Variants in IRF3 observed in about 807,000 individuals in gnomAD.
IRF3 encodes the protein interferon regulatory factor 3.
Under a neutral mutation model 43.2 loss-of-function variants are expected in IRF3, and 29 were observed. That is an observed-to-expected ratio of 0.67 (90% CI 0.50 to 0.91). The LOEUF (loss-of-function observed/expected upper bound fraction) is 0.91. IRF3 is among the 40% of genes least tolerant of loss of function. The pLI, the probability that IRF3 is intolerant of heterozygous loss-of-function variation, is 0.00. For synonymous variants in IRF3, 228 were observed against 233.9 expected (o/e 0.97, Z 0.23); for missense variants, 505 against 559.1 (o/e 0.90, Z 0.98).
intron 4 of IRF3, 134 bp from the exon 5 acceptor site, chr19:49,662,751 G>A: frequency 1.4e-6 from 1 of 718,846 alleles, no homozygotes; most frequent in Non-Finnish European, 2.3e-6. Context: ...CCAGCCTGGG[G>A]ACAGAGCCAG....
chr19:49,663,976 A>ATGAGCTAC (rs1289794288), intron 2 of IRF3: 1 of 222,404 alleles, frequency 4.5e-6, no homozygotes, highest in Non-Finnish European at 9.2e-6. Context: ...GATTACAGGC[A>ATGAGCTAC]TGAGCTACTG....
At position 49,663,286 on chromosome 19, in the gene IRF3, G is replaced by A. The variant is rs2122658769; in HGVS notation, c.338-28C>T. On this transcript the variant is annotated intron_variant, in intron 3 of 7. Coordinates refer to ENST00000377139, the MANE Select transcript of IRF3 (RefSeq NM_001571.6). ...GTTGAGAAAAGTGGTGAGGGGAGTA[G>A]GAGTGCCAGGAACCCTTGGGGCCCC... 3 of 1,614,016 alleles carry A rather than the reference G, an allele frequency of 1.9e-6. No individual in the cohort carries two copies. The Middle Eastern group carries it at 4.9e-4, about 266-fold the overall frequency.
intron 1 of IRF3, 60 bp downstream of exon 1, chr19:49,665,571 C>G (rs778329000): frequency 3.6e-5 from 18 of 507,038 alleles, no homozygotes; most frequent in Non-Finnish European, 5.4e-5. Flanking sequence ...CAGACCCATC[C>G]TCTTTCCCGC....
chr19:49,664,532 T>G, intron 2 of IRF3, 142 bp downstream of exon 2: 78 of 1,110,290 alleles, frequency 7.0e-5, no homozygotes, highest in East Asian at 2.2e-4. Context: ...GCCCCGCCCC[T>G]CCCGTTCTAG....
At chr19:49,664,910 T>C in intron 1 of IRF3, 64 bp from the exon 2 acceptor site, 1 of 1,516,988 alleles carries the variant, frequency 6.6e-7, no homozygotes, top group Non-Finnish European at 8.8e-7. Context: ...GCCTGGAGTT[T>C]CCGCACCCAG....
At position 49,663,440 on chromosome 19, in the gene IRF3, G is replaced by A. The variant is rs1424785603; in HGVS notation, c.240C>T (p.Phe80=). The A allele has an allele frequency of 6.2e-7, 1 of 1,614,072 alleles. No homozygotes were observed. Among genetic ancestry groups the A allele is most frequent in the Non-Finnish European group, 8.5e-7 (1 of 1,180,054 alleles). Residue 80 remains phenylalanine, a synonymous_variant, in exon 3 of 8, where the codon TTC becomes TTT. Transcript: ENST00000377139. The part of the protein sequence containing the change: ...KPDLPTWKRN[F]RSALNRKEGL... Reference sequence around the variant, plus strand: ...CTTCTTTGCGGTTGAGGGCAGAGCGGAAATTCCTCTTCCAGGTTGGCAGGT... The same window carrying A: ...CTTCTTTGCGGTTGAGGGCAGAGCGAAAATTCCTCTTCCAGGTTGGCAGGT...
Position 49,660,811 on chromosome 19 carries a change from C to T in IRF3, c.1000G>A (p.Glu334Lys). The T allele has an allele frequency of 1.2e-6, 2 of 1,603,534 alleles. No homozygotes were observed. The highest frequency in any genetic ancestry group is 1.3e-5 in the African/African-American group (1 of 74,962). The part of the protein sequence containing the change: ...PFIVDLITFT[E>K]GSGRSPRYAL... ...TAGCGTGGTGAGCGTCCGCTTCCTTCCGTGAAGGTAATCAGATCTGGGGGC... is the reference window on the plus strand; with the variant it reads ...TAGCGTGGTGAGCGTCCGCTTCCTTTCGTGAAGGTAATCAGATCTGGGGGC... The change falls in exon 7 of 8, where the codon GAA becomes AAA. Residue 334 changes from glutamate (E) to lysine (K), a missense_variant. Glu to Lys is a moderately conservative substitution (Grantham distance 56). Coordinates refer to ENST00000377139, the MANE Select transcript of IRF3 (RefSeq NM_001571.6).
Position 49,665,683 on chromosome 19 carries a change from A to T in IRF3, c.-61T>A. ...CAGCTGGAACCCACCCCTGTCTTGG[A>T]GCTCCGGGTAGCTCTCAAACTCGAG... On this transcript the variant is annotated 5_prime_UTR_variant, in exon 1 of 8. Coordinates refer to ENST00000377139, the MANE Select transcript of IRF3 (RefSeq NM_001571.6). 8.5e-7 allele frequency: 1 copy of T among 1,173,406 alleles called. No homozygotes were observed. The highest frequency in any genetic ancestry group is 1.2e-6 in the Non-Finnish European group (1 of 845,942). 72.7% of individuals were successfully genotyped at this position (1,173,406 alleles called of 1,614,324 possible).
intron 7 of IRF3, among the ~76,000 whole-genome samples, 192 bp from the exon 8 acceptor site, chr19:49,660,025 A>ACACACACACCCC (rs1568451939): frequency 9.1e-6 from 1 of 110,190 alleles, no homozygotes; most frequent in African/African-American, 4.7e-5. Flanking sequence ...ACACACACAC[A>ACACACACACCCC]CACCCCCTGC....
chr19:49,663,716 A>G (rs2081471618), intron 2 of IRF3: 1 of 577,444 alleles, frequency 1.7e-6, no homozygotes, highest in Non-Finnish European at 3.1e-6. Context: ...TCTTTTTGAG[A>G]TGGAGTTTCA....
rs967442216 is a variant in IRF3, at chr19:49,660,111, C to T, written c.1099-278G>A. On this transcript the variant is annotated intron_variant, in intron 7 of 7. Coordinates refer to ENST00000377139, the MANE Select transcript of IRF3 (RefSeq NM_001571.6). Reference sequence around the variant, plus strand: ...ACACACAAACACACACACACACACACGTCAGGGCTGAGCAGTCTGTGATCT... The same window carrying T: ...ACACACAAACACACACACACACACATGTCAGGGCTGAGCAGTCTGTGATCT... 5.3e-5 allele frequency among the ~76,000 whole-genome samples: 8 copies of T among 151,876 alleles called. No individual in the cohort carries two copies. The South Asian group carries it at 6.2e-4, about 12-fold the overall frequency.
chr19:49,663,139 T>C (rs1048694773), intron 4 of IRF3, 49 bp downstream of exon 4: 40 of 1,505,038 alleles, frequency 2.7e-5, no homozygotes, highest in Non-Finnish European at 3.5e-5. Context: ...ACAAGGCCCA[T>C]GGAGACAGGT....
intron 6 of IRF3, 127 bp from the exon 7 acceptor site, chr19:49,660,955 T>A: frequency 8.7e-7 from 1 of 1,144,450 alleles, no homozygotes; most frequent in Non-Finnish European, 1.2e-6. Flanking sequence ...ACCAGGGGAC[T>A]GCTTGTTTGG....
At chr19:49,660,027 A>ACACACACACACACACACCCCCCCCCC (rs57168131) in intron 7 of IRF3, among the ~76,000 whole-genome samples, 194 bp from the exon 8 acceptor site, 1 of 74,716 alleles carries the variant, frequency 1.3e-5, no homozygotes, top group African/African-American at 9.9e-5. Flanking sequence ...ACACACACAC[A>ACACACACACACACACACCCCCCCCCC]CCCCCTGCTG....
intron 7 of IRF3, among the ~76,000 whole-genome samples, chr19:49,660,277 G>A (rs1230051949): frequency 2.0e-5 from 3 of 152,102 alleles, no homozygotes; most frequent in African/African-American, 4.8e-5. Flanking sequence ...TGTGAGCAGC[G>A]GGTGGGGGAA....
rs779357935 is a variant in IRF3, at chr19:49,659,612, C to T, written c.*36G>A. The stretch of plus-strand genomic sequence containing the variant: ...GTTTATTGGTTGAGGTGGTGGGGAA[C>T]AGGGGGGTTGGAGGCACACCATGAG... On this transcript the variant is annotated 3_prime_UTR_variant, in exon 8 of 8. Transcript: ENST00000377139. 7.6e-6 allele frequency: 12 copies of T among 1,587,942 alleles called. No homozygotes were observed. The highest frequency in any genetic ancestry group is 1.0e-5 in the Non-Finnish European group (12 of 1,167,370).
intron 1 of IRF3, 141 bp from the exon 2 acceptor site, chr19:49,664,987 T>A (rs770751575): frequency 2.6e-5 from 22 of 853,940 alleles, no homozygotes; most frequent in South Asian, 3.6e-5. Context: ...ACAGGAAACC[T>A]CCTCTTCCCA....
intron 4 of IRF3, 78 bp downstream of exon 4, chr19:49,663,110 G>C: frequency 7.9e-7 from 1 of 1,265,758 alleles, no homozygotes; most frequent in Non-Finnish European, 1.2e-6. Flanking sequence ...GGAGTGGGGG[G>C]ATCGTCTAGA....
chr19:49,664,938 C>T, intron 1 of IRF3, 92 bp from the exon 2 acceptor site: 1 of 1,337,244 alleles, frequency 7.5e-7, no homozygotes, highest in Non-Finnish European at 1.0e-6. Flanking sequence ...TCTCACGGGC[C>T]ACGGCACAGG....
Sources: gnomAD v4.1 joint callset for allele counts (sites outside exome capture counted in the v4.1 genomes callset) on GRCh38, gnomAD v4.1.1 for gene constraint, MANE v1.5 for transcripts, NCBI Gene and HGNC (gene_info 2026-07-23, HGNC 2026-07-21) for gene names.